KDM6A: variants seen among roughly 807,000 people sequenced by gnomAD.
KDM6A encodes lysine-specific demethylase 6A.
Under a neutral mutation model 117.6 loss-of-function variants are expected in KDM6A, and 11 were observed. The observed-to-expected ratio is 0.09, with a 90% CI of 0.06 to 0.15. The LOEUF is 0.15. Ranked by LOEUF, KDM6A falls within the 10% of genes least tolerant of loss-of-function variation. The pLI, the probability that KDM6A is intolerant of heterozygous loss-of-function variation, is 1.00. For synonymous variants in KDM6A, 384 were observed against 396.1 expected (o/e 0.97, Z 0.36); for missense variants, 799 against 1,077.3 (o/e 0.74, Z 3.62).
chrX:45,087,447 A>G (rs1033617649), intron 25 of KDM6A, among the ~76,000 whole-genome samples: 4 of 112,770 alleles, frequency 3.5e-5, no homozygotes, highest in Admixed American at 9.3e-5. Context: ...TGTCTTCTCT[A>G]TTCATATATT....
At position 44,947,961 on chromosome X, in the gene KDM6A, T is replaced by C. The variant is rs188530134; in HGVS notation, c.226-13323T>C. On this transcript the variant is annotated intron_variant, in intron 2 of 29. Coordinates refer to ENST00000611820, the MANE Select transcript of KDM6A (RefSeq NM_001291415.2). ...CATACAAAAAGTCACTTTGATATTC[T>C]GTCTGTCTCCACTTCTCTTAGTTCT... 1.5e-3 allele frequency among the ~76,000 whole-genome samples: 162 copies of C among 111,394 alleles called. 1 individual carries two copies. Among genetic ancestry groups the C allele is most frequent in the Non-Finnish European group, 8.5e-4 (45 of 53,075 alleles).
intron 2 of KDM6A, among the ~76,000 whole-genome samples, chrX:44,935,220 GT>G (rs1390720131): frequency 1.5e-4 from 17 of 111,866 alleles, no homozygotes; most frequent in Non-Finnish European, 3.0e-4. Flanking sequence ...TTTAAAATGT[GT>G]TCTTAAAGAA....
intron 6 of KDM6A, among the ~76,000 whole-genome samples, chrX:45,023,353 CT>C (rs747495024): frequency 9.1e-6 from 1 of 110,446 alleles, no homozygotes; most frequent in African/African-American, 3.3e-5. Flanking sequence ...TAATAGATTC[CT>C]TTTTTTTCCT....
chrX:44,966,225 C>T (rs1414472746), intron 3 of KDM6A, among the ~76,000 whole-genome samples: 1 of 109,780 alleles, frequency 9.1e-6, no homozygotes, highest in African/African-American at 3.3e-5. Flanking sequence ...CACTGCAGCC[C>T]CAAACTCCTG....
At chrX:45,047,309 C>T (rs1217613671) in intron 8 of KDM6A, among the ~76,000 whole-genome samples, 1 of 107,214 alleles carries the variant, frequency 9.3e-6, no homozygotes, top group Non-Finnish European at 1.9e-5. Context: ...TTCTCTTCTT[C>T]TCGGACTCCA....
chrX:45,077,262 A>G (rs2045171619), intron 19 of KDM6A, among the ~76,000 whole-genome samples: 1 of 110,789 alleles, frequency 9.0e-6, no homozygotes, highest in Non-Finnish European at 1.9e-5. Context: ...ATATGTGACT[A>G]AAAAAACTTA....
intron 17 of KDM6A, among the ~76,000 whole-genome samples, chrX:45,067,005 C>T (rs2044561068): frequency 8.9e-6 from 1 of 112,167 alleles, no homozygotes; most frequent in Admixed American, 9.5e-5. Flanking sequence ...CTGCATATCA[C>T]TACAGCTGGG....
At chrX:44,913,456 G>A (rs1037463507) in intron 2 of KDM6A, among the ~76,000 whole-genome samples, 17 of 108,982 alleles carry the variant, frequency 1.6e-4, no homozygotes, top group Non-Finnish European at 2.9e-4. Flanking sequence ...TCGCCACCAC[G>A]TCTGGCTAAT....
chrX:45,043,519 G>A (rs1188892214), intron 8 of KDM6A, among the ~76,000 whole-genome samples: 1 of 111,266 alleles, frequency 9.0e-6, no homozygotes, highest in East Asian at 2.8e-4. Flanking sequence ...ACTCACACCT[G>A]TAATCCCAGC....
At chrX:45,012,425 A>G in intron 5 of KDM6A, among the ~76,000 whole-genome samples, 1 of 108,859 alleles carries the variant, frequency 9.2e-6, no homozygotes, top group Non-Finnish European at 1.9e-5. Flanking sequence ...CTGGTGTCGA[A>G]CTCCTGACCT....
chrX:45,060,836 G>C (rs1201106246), intron 14 of KDM6A, 72 bp downstream of exon 14: 27 of 682,947 alleles, frequency 4.0e-5, no homozygotes, highest in Non-Finnish European at 4.6e-5. Flanking sequence ...TGTGCAGTTT[G>C]AACATTTCCT....
At chrX:45,099,916 C>T (rs911644002) in intron 27 of KDM6A, among the ~76,000 whole-genome samples, 6 of 110,668 alleles carry the variant, frequency 5.4e-5, no homozygotes, top group African/African-American at 2.0e-4. Context: ...CGCCTGTAGT[C>T]CCAGCTACTT....
chrX:44,942,875 A>T (rs972244451), intron 2 of KDM6A, among the ~76,000 whole-genome samples: 1 of 110,675 alleles, frequency 9.0e-6, no homozygotes, highest in East Asian at 2.8e-4. Flanking sequence ...ACTATTGTAT[A>T]TTCACCTTGA....
At chrX:44,970,091 T>C (rs1193921779) in intron 3 of KDM6A, among the ~76,000 whole-genome samples, 1 of 112,240 alleles carries the variant, frequency 8.9e-6, no homozygotes, top group Non-Finnish European at 1.9e-5. Context: ...TTTTAATGAT[T>C]TTTTTTCTGA....
At chrX:44,985,487 C>T (rs942347509) in intron 4 of KDM6A, among the ~76,000 whole-genome samples, 1 of 111,431 alleles carries the variant, frequency 9.0e-6, no homozygotes, top group African/African-American at 3.3e-5. Flanking sequence ...TGTCTTGTGC[C>T]AGTATTCAAA....
In KDM6A at chrX:45,067,644, C is replaced by CTTTTTT. The variant is rs1267780901; in HGVS notation, c.2080-1932_2080-1927dup. On this transcript the variant is annotated intron_variant, in intron 17 of 29. Transcript: ENST00000611820. ...CCTTTACACACTCACTGGTGTGTAT[C>CTTTTTT]TTTTTTTTGTTTTTTTTTTTTTTTT... 6.1e-4 allele frequency among the ~76,000 whole-genome samples: 55 copies of CTTTTTT among 90,051 alleles called. 3 individuals are homozygous for CTTTTTT. The highest frequency in any genetic ancestry group is 1.5e-3 in the African/African-American group (28 of 18,550). The allele number at this position is 90,051 out of a possible 115,157, so 78.2% of individuals were successfully genotyped here. A position where few individuals can be genotyped will look rare whatever the true frequency, so the allele number is the denominator to read the frequency against.
intron 4 of KDM6A, among the ~76,000 whole-genome samples, chrX:44,991,445 G>C (rs1322433002): frequency 3.6e-5 from 4 of 110,326 alleles, no homozygotes; most frequent in Non-Finnish European, 7.6e-5. Flanking sequence ...GGTTAGAACT[G>C]AGTATGTCCC....
intron 5 of KDM6A, among the ~76,000 whole-genome samples, chrX:45,015,837 G>A (rs1172539): frequency 8.9e-6 from 1 of 111,777 alleles, no homozygotes; most frequent in Non-Finnish European, 1.9e-5. Context: ...TTTTGGAAGG[G>A]CTTTGATTAA....
chrX:44,990,339 G>T (rs1401551975), intron 4 of KDM6A, among the ~76,000 whole-genome samples: 1 of 110,903 alleles, frequency 9.0e-6, no homozygotes, highest in Non-Finnish European at 1.9e-5. Context: ...AGGAGTTCAA[G>T]ACCAGCCTGG....
Sources: gnomAD v4.1 joint callset for allele counts (sites outside exome capture counted in the v4.1 genomes callset) on GRCh38, gnomAD v4.1.1 for gene constraint, MANE v1.5 for transcripts, NCBI Gene and HGNC (gene_info 2026-07-23, HGNC 2026-07-21) for gene names.